Variants in AFF2 observed in about 807,000 individuals in gnomAD.
The protein encoded by AFF2 is ALF transcription elongation factor 2.
AFF2 carries 14 observed loss-of-function variants against 76.9 expected under a neutral mutation model. The observed-to-expected ratio is 0.18, with a 90% confidence interval of 0.12 to 0.28. The LOEUF (loss-of-function observed/expected upper bound fraction) is 0.28, where lower values mean the gene tolerates loss of function less well. Ranked by LOEUF, AFF2 falls within the 10% of genes least tolerant of loss-of-function variation. AFF2 has a pLI of 1.00. For missense variants in AFF2, 868 were observed against 1,001.1 expected (o/e 0.87, Z 1.79); for synonymous variants, 398 against 366.7 (o/e 1.09, Z -0.98).
intron 8 of AFF2, among the ~76,000 whole-genome samples, chrX:148,896,877 G>T (rs2071291146): frequency 9.1e-6 from 1 of 109,948 alleles, no homozygotes; most frequent in African/African-American, 3.3e-5. Context: ...AAATAGTAAT[G>T]CTGTCTGTGG....
chrX:148,900,679 T>C (rs782148368), intron 8 of AFF2, among the ~76,000 whole-genome samples: 2 of 110,304 alleles, frequency 1.8e-5, no homozygotes, highest in Admixed American at 9.6e-5. Context: ...AAAGGAGAGA[T>C]CAACTGGAAA....
chrX:148,689,780 C>A (rs2054632765), intron 3 of AFF2, among the ~76,000 whole-genome samples: 1 of 112,164 alleles, frequency 8.9e-6, no homozygotes, highest in Admixed American at 9.5e-5. Flanking sequence ...TTACCCTTAG[C>A]TTCTCTGAAT....
chrX:148,655,672 T>C (rs1460905832), intron 2 of AFF2, among the ~76,000 whole-genome samples: 1 of 111,898 alleles, frequency 8.9e-6, no homozygotes, highest in Non-Finnish European at 1.9e-5. Context: ...CTTTGATGAT[T>C]GGTTGTTATC....
intron 1 of AFF2, among the ~76,000 whole-genome samples, chrX:148,532,971 T>G (rs1000268478): frequency 9.0e-6 from 1 of 111,617 alleles, no homozygotes; most frequent in Non-Finnish European, 1.9e-5. Flanking sequence ...GCTTAGCCAA[T>G]TTTTAGTGAT....
intron 3 of AFF2, among the ~76,000 whole-genome samples, chrX:148,778,575 C>T (rs1235946580): frequency 9.0e-6 from 1 of 111,049 alleles, no homozygotes; most frequent in African/African-American, 3.3e-5. Flanking sequence ...GATTCAGTTT[C>T]TTCCTGGTTT....
At chrX:148,942,050 AG>A (rs1314385800) in intron 9 of AFF2, among the ~76,000 whole-genome samples, 1 of 110,601 alleles carries the variant, frequency 9.0e-6, no homozygotes, top group African/African-American at 3.3e-5. Flanking sequence ...TTAGTGGTGC[AG>A]GTTAGCACAA....
chrX:148,939,749 T>C (rs1569557291), intron 9 of AFF2, among the ~76,000 whole-genome samples: 1 of 112,098 alleles, frequency 8.9e-6, no homozygotes, highest in Non-Finnish European at 1.9e-5. Flanking sequence ...TTCTTGGTAT[T>C]AGCCATCTTG....
chrX:148,663,809 C>T (rs1398327682), intron 3 of AFF2, among the ~76,000 whole-genome samples: 1 of 111,829 alleles, frequency 8.9e-6, no homozygotes, highest in Non-Finnish European at 1.9e-5. Context: ...GAAGTGTGAC[C>T]CTATAAGCAC....
At chrX:148,857,564 C>T (rs1557276021) in intron 7 of AFF2, among the ~76,000 whole-genome samples, 2 of 111,825 alleles carry the variant, frequency 1.8e-5, no homozygotes, top group African/African-American at 6.5e-5. Context: ...GCATTTCATA[C>T]TCATTGTGTT....
Position 148,982,394 on chromosome X carries a change from A to G in AFF2, c.3623+1604A>G, listed in dbSNP as rs190770083. Reference sequence around the variant, plus strand: ...AAGCTGAATTTGATATGGTCCCTGCACTCCAGAAGCACACAGTCCAGTGGA... The same window carrying G: ...AAGCTGAATTTGATATGGTCCCTGCGCTCCAGAAGCACACAGTCCAGTGGA... On this transcript the variant is annotated intron_variant, in intron 19 of 20. Coordinates refer to ENST00000370460, the MANE Select transcript of AFF2 (RefSeq NM_002025.4). Among the ~76,000 whole-genome samples the G allele has an allele frequency of 3.4e-3, 384 of 111,863 alleles. 3 individuals are homozygous for G. Among genetic ancestry groups the G allele is most frequent in the Non-Finnish European group, 5.9e-3 (312 of 53,142 alleles).
chrX:148,860,679 A>G (rs1268189622), intron 7 of AFF2, among the ~76,000 whole-genome samples: 2 of 112,144 alleles, frequency 1.8e-5, no homozygotes, highest in African/African-American at 6.5e-5. Flanking sequence ...AATGTGTTTA[A>G]TCTTTGTTAG....
chrX:148,929,034 G>A (rs1243977791), intron 9 of AFF2, among the ~76,000 whole-genome samples: 1 of 112,147 alleles, frequency 8.9e-6, no homozygotes. Context: ...CTTGAGTCAC[G>A]TTGACATTAC....
intron 1 of AFF2, among the ~76,000 whole-genome samples, chrX:148,544,189 C>T (rs1232637674): frequency 8.9e-6 from 1 of 112,148 alleles, no homozygotes. Flanking sequence ...ATAGCCTGCT[C>T]GAATTCATTA....
At chrX:148,586,241 C>T (rs781907478) in intron 1 of AFF2, among the ~76,000 whole-genome samples, 6 of 111,473 alleles carry the variant, frequency 5.4e-5, no homozygotes, top group African/African-American at 2.0e-4. Context: ...TTTATACATA[C>T]TTGGAAAAAC....
At chrX:148,739,019 GGC>G (rs1557265389) in intron 3 of AFF2, among the ~76,000 whole-genome samples, 1 of 111,816 alleles carries the variant, frequency 8.9e-6, no homozygotes, top group Non-Finnish European at 1.9e-5. Context: ...AATGTATTGA[GGC>G]GCATTTTGTG....
intron 4 of AFF2, among the ~76,000 whole-genome samples, chrX:148,818,004 A>C (rs1438117208): frequency 2.7e-5 from 3 of 111,953 alleles, no homozygotes; most frequent in Admixed American, 9.5e-5. Context: ...CTAGTATCAC[A>C]TTTCATGGAG....
chrX:148,735,838 G>C (rs2055278899), intron 3 of AFF2, among the ~76,000 whole-genome samples: 1 of 111,269 alleles, frequency 9.0e-6, no homozygotes, highest in African/African-American at 3.3e-5. Context: ...TCATAGTTTA[G>C]CTCCCACATA....
Position 148,516,025 on chromosome X carries a change from C to CT in AFF2, c.47+14884dup, listed in dbSNP as rs782157824. Among the ~76,000 whole-genome samples the CT allele has an allele frequency of 4.5e-5, 5 of 112,228 alleles. No homozygotes were observed. In the South Asian group the frequency reaches 1.9e-3, roughly 42 times the overall value. On this transcript the variant is annotated intron_variant, in intron 1 of 20. Coordinates refer to ENST00000370460, the MANE Select transcript of AFF2 (RefSeq NM_002025.4). Reference sequence around the variant, plus strand: ...CATTGTATGTGGGCAAAGAAGCCTTCTTTGAACTTCCAGCCCTTGGTTGCA... The same window carrying CT: ...CATTGTATGTGGGCAAAGAAGCCTTCTTTTGAACTTCCAGCCCTTGGTTGCA...
chrX:148,701,996 T>G (rs1187022874), intron 3 of AFF2, among the ~76,000 whole-genome samples: 2 of 112,444 alleles, frequency 1.8e-5, no homozygotes, highest in Non-Finnish European at 3.8e-5. Context: ...GTGTGAACCA[T>G]GTATAGATAT....
Sources: gnomAD v4.1 joint callset for allele counts (sites outside exome capture counted in the v4.1 genomes callset) on GRCh38, gnomAD v4.1.1 for gene constraint, MANE v1.5 for transcripts, NCBI Gene and HGNC (gene_info 2026-07-23, HGNC 2026-07-21) for gene names.